Variants in TFCP2 observed in about 807,000 individuals in gnomAD.
The protein encoded by TFCP2 is alpha-globin transcription factor CP2.
In TFCP2, 33 loss-of-function variants were observed where a neutral mutation model predicts 73.4. The observed-to-expected ratio is 0.45, with a 90% CI of 0.34 to 0.60. The LOEUF (loss-of-function observed/expected upper bound fraction) is 0.60. Ranked by LOEUF, TFCP2 falls within the 20% of genes least tolerant of loss-of-function variation. TFCP2 has a pLI of 0.01. For synonymous variants in TFCP2, 193 were observed against 211.6 expected (o/e 0.91, Z 0.76); for missense variants, 352 against 604.0 (o/e 0.58, Z 4.37).
At chr12:51,109,766 T>C (rs1018393986) in intron 5 of TFCP2, among the ~76,000 whole-genome samples, 7 of 150,460 alleles carry the variant, frequency 4.7e-5, no homozygotes, top group African/African-American at 1.7e-4. Context: ...TCACCCAGGC[T>C]GGAATGCAAT....
chr12:51,093,856 AC>A lies in TFCP2; in HGVS notation c.*1384del, dbSNP rs1939888109. 6.8e-6 allele frequency: 1 copy of A among 146,874 alleles called. No individual in the cohort carries two copies. Among genetic ancestry groups the A allele is most frequent in the Non-Finnish European group, 1.5e-5 (1 of 66,654 alleles). 9.1% of individuals were successfully genotyped at this position (146,874 alleles called of 1,614,324 possible). On this transcript the variant is annotated 3_prime_UTR_variant, in exon 15 of 15. Transcript: ENST00000257915. The stretch of plus-strand genomic sequence containing the variant: ...TAAACACACACACACACACACACAC[AC>A]ACAAATCCAAATCCAATACACAATC...
At chr12:51,140,494 C>T (rs2137014881) in intron 1 of TFCP2, among the ~76,000 whole-genome samples, 1 of 138,450 alleles carries the variant, frequency 7.2e-6, no homozygotes, top group South Asian at 2.4e-4. Context: ...AAATGTTGCC[C>T]CGGCTAGTCT....
intron 1 of TFCP2, among the ~76,000 whole-genome samples, chr12:51,131,611 C>T (rs191816781): frequency 6.6e-6 from 1 of 152,264 alleles, no homozygotes; most frequent in East Asian, 1.9e-4. Flanking sequence ...ATCTTCTAAA[C>T]TGTCTATGAA....
chr12:51,124,954 G>A, intron 1 of TFCP2: 1 of 758,650 alleles, frequency 1.3e-6, no homozygotes, highest in Non-Finnish European at 2.4e-6. Flanking sequence ...TGCTCCGTAA[G>A]GTCGTTGCTC....
At chr12:51,133,093 G>A (rs1940985047) in intron 1 of TFCP2, among the ~76,000 whole-genome samples, 1 of 151,430 alleles carries the variant, frequency 6.6e-6, no homozygotes, top group African/African-American at 2.4e-5. Flanking sequence ...TGGTGAATAT[G>A]CAAAGGAAAA....
chr12:51,144,833 G>A (rs1941259600), intron 1 of TFCP2, among the ~76,000 whole-genome samples: 1 of 152,138 alleles, frequency 6.6e-6, no homozygotes, highest in East Asian at 1.9e-4. Flanking sequence ...AGGCTGAGGC[G>A]GGAGGATCAC....
chr12:51,128,479 A>C (rs1476659558), intron 1 of TFCP2, among the ~76,000 whole-genome samples: 8 of 7,238 alleles, frequency 1.1e-3, no homozygotes, highest in Non-Finnish European at 2.4e-3. Flanking sequence ...GTATAATAAT[A>C]AAAAAAAAAA....
intron 2 of TFCP2, 77 bp downstream of exon 2, chr12:51,118,544 C>T: frequency 6.5e-7 from 1 of 1,547,306 alleles, no homozygotes; most frequent in South Asian, 1.2e-5. Flanking sequence ...GACGCCGTCT[C>T]AAAACAAACA....
chr12:51,104,590 A>T (rs1388555822), intron 8 of TFCP2, among the ~76,000 whole-genome samples: 1 of 152,198 alleles, frequency 6.6e-6, no homozygotes, highest in Non-Finnish European at 1.5e-5. Flanking sequence ...ATATCAGGAT[A>T]AAAAATTTTA....
intron 1 of TFCP2, among the ~76,000 whole-genome samples, chr12:51,120,115 G>A (rs1940622726): frequency 7.1e-6 from 1 of 141,560 alleles, no homozygotes. Context: ...GGAGGCAGAG[G>A]TGCAGTGAGC....
At position 51,118,511 on chromosome 12, in the gene TFCP2, C is replaced by T. The variant is rs146394230; in HGVS notation, c.274+110G>A. Reference sequence around the variant, plus strand: ...CAGAGCTTGCAGTGAGCCAAGATGGCGCCACTACACTCCAGCCTGGGTGAC... The same window carrying T: ...CAGAGCTTGCAGTGAGCCAAGATGGTGCCACTACACTCCAGCCTGGGTGAC... On this transcript the variant is annotated intron_variant, in intron 2 of 14. Transcript: ENST00000257915. 872 of 1,319,988 alleles carry T rather than the reference C, an allele frequency of 6.6e-4. 6 individuals are homozygous for T. In the African/African-American group the frequency reaches 0.011, roughly 17 times the overall value. The allele number at this position is 1,319,988 out of a possible 1,614,324, so 81.8% of individuals were successfully genotyped here. A position where few individuals can be genotyped will look rare whatever the true frequency, so the allele number is the denominator to read the frequency against.
intron 1 of TFCP2, among the ~76,000 whole-genome samples, chr12:51,144,838 G>C (rs1941259671): frequency 6.6e-6 from 1 of 152,018 alleles, no homozygotes. Context: ...GAGGCGGGAG[G>C]ATCACTTGAG....
chr12:51,104,797 T>C (rs1215417477), intron 8 of TFCP2, among the ~76,000 whole-genome samples: 17 of 151,602 alleles, frequency 1.1e-4, no homozygotes, highest in Non-Finnish European at 1.5e-5. Flanking sequence ...CTGCAACCTC[T>C]GCCTCCCGGG....
At chr12:51,103,318 T>C (rs1940155755) in intron 10 of TFCP2, among the ~76,000 whole-genome samples, 1 of 152,100 alleles carries the variant, frequency 6.6e-6, no homozygotes, top group Admixed American at 6.6e-5. Flanking sequence ...TAAAAGTGTA[T>C]TGTGTAAATG....
chr12:51,125,300 A>G, intron 1 of TFCP2: 1 of 542,310 alleles, frequency 1.8e-6, no homozygotes, highest in South Asian at 1.5e-5. Flanking sequence ...GTCAAAGATG[A>G]CAGCTCTGTG....
chr12:51,150,458 T>C (rs1205894796), intron 1 of TFCP2, among the ~76,000 whole-genome samples: 3 of 151,952 alleles, frequency 2.0e-5, no homozygotes, highest in African/African-American at 7.2e-5. Context: ...AAGTAATGAA[T>C]TAAAAATTCT....
intron 1 of TFCP2, among the ~76,000 whole-genome samples, chr12:51,159,970 G>A (rs1347587741): frequency 6.6e-6 from 1 of 151,886 alleles, no homozygotes; most frequent in African/African-American, 2.4e-5. Context: ...AGGATTGGAT[G>A]GTAAATTGCA....
rs564723378 is a variant in TFCP2, at chr12:51,096,441, T to C, written c.1420-401A>G. ...TTCTCAAACTCCCTTCTCCCAGGGA[T>C]AAACTCCCTTCTCCCAAGATAAAGG... On this transcript the variant is annotated intron_variant, in intron 13 of 14. Transcript: ENST00000257915. 5.3e-5 allele frequency among the ~76,000 whole-genome samples: 8 copies of C among 152,266 alleles called. No homozygotes were observed. The East Asian group carries it at 1.2e-3, about 22-fold the overall frequency.
At chr12:51,114,755 G>C (rs957191075) in intron 4 of TFCP2, among the ~76,000 whole-genome samples, 1 of 151,684 alleles carries the variant, frequency 6.6e-6, no homozygotes, top group South Asian at 2.1e-4. Flanking sequence ...CATCAGGATG[G>C]ATATTATCAA....
Sources: gnomAD v4.1 joint callset for allele counts (sites outside exome capture counted in the v4.1 genomes callset) on GRCh38, gnomAD v4.1.1 for gene constraint, MANE v1.5 for transcripts, NCBI Gene and HGNC (gene_info 2026-07-23, HGNC 2026-07-21) for gene names.